The following WDR72 variants were observed in gnomAD, a reference collection of about 807,000 sequenced individuals.
The protein encoded by WDR72 is WD repeat domain 72, also known as WD repeat-containing protein 72.
In WDR72, 120 loss-of-function variants were observed where a neutral mutation model predicts 124.2. That is an observed-to-expected ratio of 0.97 (90% CI 0.83 to 1.12). The LOEUF (loss-of-function observed/expected upper bound fraction) is 1.12. Among genes scored for constraint, WDR72 ranks in the 50% most tolerant of loss-of-function variants. The pLI is 0.00. For missense variants in WDR72, 1,387 were observed against 1,278.8 expected, an observed-to-expected ratio of 1.08 and a Z score of -1.29; for synonymous variants, 452 against 441.7, an observed-to-expected ratio of 1.02 and a Z score of -0.29.
At chr15:53,569,336 T>G (rs963630233) in intron 18 of WDR72, among the ~76,000 whole-genome samples, 6 of 152,044 alleles carry the variant, frequency 3.9e-5, no homozygotes, top group African/African-American at 7.2e-5. Flanking sequence ...AAGGATTGCA[T>G]AACTAGCAGC....
At chr15:53,608,894 C>A (rs1016649149) in intron 17 of WDR72, among the ~76,000 whole-genome samples, 2 of 151,566 alleles carry the variant, frequency 1.3e-5, no homozygotes, top group African/African-American at 4.8e-5. Context: ...TTAATAGGTG[C>A]CAAAAAATGT....
chr15:53,593,883 C>T (rs2012634968), intron 18 of WDR72, among the ~76,000 whole-genome samples: 1 of 151,760 alleles, frequency 6.6e-6, no homozygotes, highest in South Asian at 2.1e-4. Flanking sequence ...AAAAAAATAA[C>T]TAATTTCTCA....
chr15:53,548,106 T>C (rs745717206), intron 18 of WDR72, among the ~76,000 whole-genome samples: 4 of 152,326 alleles, frequency 2.6e-5, no homozygotes, highest in Middle Eastern at 3.4e-3. Context: ...ATAACCAGTA[T>C]AAAATCTATC....
At chr15:53,567,063 T>C (rs532791189) in intron 18 of WDR72, among the ~76,000 whole-genome samples, 165 of 152,090 alleles carry the variant, frequency 1.1e-3, no homozygotes, top group Middle Eastern at 3.4e-3. Flanking sequence ...CCTGTGTACC[T>C]GACATAACTC....
intron 1 of WDR72, among the ~76,000 whole-genome samples, chr15:53,753,986 G>A (rs957133393): frequency 3.3e-5 from 5 of 152,124 alleles, no homozygotes; most frequent in Non-Finnish European, 7.3e-5. Context: ...TTGAAAGTGA[G>A]AATTCATAAT....
intron 18 of WDR72, among the ~76,000 whole-genome samples, chr15:53,557,530 C>T (rs985243342): frequency 4.6e-5 from 7 of 151,944 alleles, no homozygotes; most frequent in Admixed American, 2.0e-4. Context: ...ATCTGGATGT[C>T]GCAAGAAACA....
chr15:53,631,041 T>C (rs916160128), intron 14 of WDR72, among the ~76,000 whole-genome samples: 2 of 152,096 alleles, frequency 1.3e-5, no homozygotes, highest in Non-Finnish European at 2.9e-5. Flanking sequence ...ATATAGAAAA[T>C]TGATATTTTT....
intron 1 of WDR72, among the ~76,000 whole-genome samples, chr15:53,747,095 G>T (rs976190703): frequency 6.6e-6 from 1 of 152,180 alleles, no homozygotes; most frequent in Admixed American, 6.5e-5. Flanking sequence ...AGCCTCTGCA[G>T]TCCATAGGGC....
intron 13 of WDR72, among the ~76,000 whole-genome samples, chr15:53,697,382 A>T (rs74018727): frequency 0.045 from 6,781 of 152,236 alleles, 535 homozygotes; most frequent in African/African-American, 0.16. Flanking sequence ...CTGCAGAAGA[A>T]AAAAGAATTT....
intron 17 of WDR72, among the ~76,000 whole-genome samples, chr15:53,600,003 T>G (rs2899517): frequency 0.76 from 116,073 of 151,972 alleles, 44,566 homozygotes; most frequent in Middle Eastern, 0.9. Context: ...AGCCACAACA[T>G]TTAAAAGTGA....
At chr15:53,667,685 T>C (rs989195891) in intron 13 of WDR72, among the ~76,000 whole-genome samples, 2 of 152,176 alleles carry the variant, frequency 1.3e-5, no homozygotes, top group African/African-American at 4.8e-5. Context: ...TACGGTATCA[T>C]CCTGGATATT....
chr15:53,644,934 T>C (rs1235785681), intron 14 of WDR72, among the ~76,000 whole-genome samples: 1 of 152,162 alleles, frequency 6.6e-6, no homozygotes, highest in Non-Finnish European at 1.5e-5. Flanking sequence ...GCATCCATTT[T>C]CAGCTAAGTG....
chr15:53,581,964 G>A (rs1182872705), intron 18 of WDR72, among the ~76,000 whole-genome samples: 4 of 152,016 alleles, frequency 2.6e-5, no homozygotes, highest in East Asian at 1.9e-4. Flanking sequence ...TTGAGAAGAC[G>A]AGGATTGGGC....
At chr15:53,609,422 C>A in intron 17 of WDR72, 91 bp downstream of exon 17, 1 of 1,115,002 alleles carries the variant, frequency 9.0e-7, no homozygotes, top group East Asian at 2.5e-5. Flanking sequence ...ACAAGAGTAA[C>A]TGCTTGTATT....
chr15:53,533,165 T>C lies in WDR72; in HGVS notation c.3149-9843A>G, dbSNP rs1361539618. Among the ~76,000 whole-genome samples, 4 of 152,038 alleles carry C rather than the reference T, an allele frequency of 2.6e-5. No homozygotes were observed. In the East Asian group the frequency reaches 7.8e-4, roughly 30 times the overall value. On this transcript the variant is annotated intron_variant, in intron 18 of 19. Coordinates refer to ENST00000360509, the MANE Select transcript of WDR72 (RefSeq NM_182758.4). The stretch of plus-strand genomic sequence containing the variant: ...GTGTGTCTCCAGTTACTGTTGCCCA[T>C]GCAGAAGACAATGGAATTGAAGAGG...
intron 16 of WDR72, among the ~76,000 whole-genome samples, chr15:53,610,179 A>T (rs1168243396): frequency 6.6e-6 from 1 of 152,110 alleles, no homozygotes; most frequent in Non-Finnish European, 1.5e-5. Context: ...TGCCCTCTCC[A>T]GTGTCCTTTC....
At chr15:53,707,193 T>C (rs1595864303) in intron 9 of WDR72, among the ~76,000 whole-genome samples, 1 of 152,296 alleles carries the variant, frequency 6.6e-6, no homozygotes, top group East Asian at 1.9e-4. Flanking sequence ...TGCTTTAAGG[T>C]CTGGATTTAG....
chr15:53,738,440 C>A (rs893258315), intron 1 of WDR72, among the ~76,000 whole-genome samples: 1 of 151,892 alleles, frequency 6.6e-6, no homozygotes, highest in Admixed American at 6.6e-5. Context: ...ATAAGGAAGG[C>A]CCTAAAAACA....
At chr15:53,556,072 A>AT (rs1251179882) in intron 18 of WDR72, among the ~76,000 whole-genome samples, 1 of 152,172 alleles carries the variant, frequency 6.6e-6, no homozygotes, top group African/African-American at 2.4e-5. Context: ...ATGACAATGT[A>AT]TTCCATCATT....
Sources: allele counts gnomAD v4.1 joint callset (sites outside exome capture counted in the v4.1 genomes callset), GRCh38; gene constraint gnomAD v4.1.1; transcripts MANE v1.5; gene names NCBI Gene and HGNC (gene_info 2026-07-23, HGNC 2026-07-21).